The following NRG3 variants were observed in gnomAD, a reference collection of about 807,000 sequenced individuals.
NRG3 encodes the protein neuregulin 3.
Under a neutral mutation model 66.9 loss-of-function variants are expected in NRG3, and 31 were observed. The ratio of observed to expected loss-of-function variants is 0.46; its 90% CI spans 0.35 to 0.63. The LOEUF (loss-of-function observed/expected upper bound fraction) is 0.63. NRG3 is among the 20% of genes least tolerant of loss of function. The probability of loss-of-function intolerance (pLI) is 0.00; values close to 1 mark genes in which losing one functional copy is unlikely to be tolerated. For missense variants in NRG3, 910 were observed against 878.9 expected (o/e 1.04, Z -0.45); for synonymous variants, 393 against 359.4 (o/e 1.09, Z -1.06).
chr10:82,231,285 G>C (rs552974312), intron 1 of NRG3, among the ~76,000 whole-genome samples: 2 of 152,154 alleles, frequency 1.3e-5, no homozygotes, highest in East Asian at 1.9e-4. Context: ...TTCAAGTGAG[G>C]TTGCAGTGAG....
At chr10:81,961,435 G>A (rs892289298) in intron 1 of NRG3, among the ~76,000 whole-genome samples, 1 of 151,884 alleles carries the variant, frequency 6.6e-6, no homozygotes, top group Admixed American at 6.6e-5. Context: ...CCAAGACACC[G>A]TGACCAGGCT....
intron 4 of NRG3, among the ~76,000 whole-genome samples, chr10:82,882,201 A>G (rs1012671198): frequency 2.6e-5 from 4 of 151,972 alleles, no homozygotes; most frequent in Admixed American, 1.3e-4. Context: ...TAAGGCGCTT[A>G]TGTGTTCTAC....
At chr10:82,796,778 A>G (rs2060817623) in intron 3 of NRG3, among the ~76,000 whole-genome samples, 1 of 152,152 alleles carries the variant, frequency 6.6e-6, no homozygotes, top group Non-Finnish European at 1.5e-5. Flanking sequence ...AAAAGAGGAG[A>G]AAGATGAGGA....
intron 2 of NRG3, among the ~76,000 whole-genome samples, chr10:82,362,547 G>GTTTT (rs1564840163): frequency 2.8e-4 from 13 of 47,268 alleles, no homozygotes; most frequent in Non-Finnish European, 3.8e-4. Context: ...ATAATTTCTG[G>GTTTT]GTTTTTTTTT....
intron 1 of NRG3, among the ~76,000 whole-genome samples, chr10:81,968,774 C>G (rs1463237504): frequency 6.6e-6 from 1 of 152,134 alleles, no homozygotes; most frequent in Non-Finnish European, 1.5e-5. Flanking sequence ...AGAATAGAAT[C>G]TAAAGAGGGT....
At chr10:82,015,458 G>T (rs11192171) in intron 1 of NRG3, among the ~76,000 whole-genome samples, 1 of 152,080 alleles carries the variant, frequency 6.6e-6, no homozygotes, top group Non-Finnish European at 1.5e-5. Context: ...ATCCTGAATT[G>T]TAATCCCCAT....
At chr10:82,910,534 C>G (rs916058410) in intron 4 of NRG3, among the ~76,000 whole-genome samples, 1 of 152,214 alleles carries the variant, frequency 6.6e-6, no homozygotes, top group Non-Finnish European at 1.5e-5. Context: ...GCATGAATCA[C>G]CAGAGACATC....
chr10:82,614,924 A>G (rs770827443), intron 2 of NRG3, among the ~76,000 whole-genome samples: 4 of 152,054 alleles, frequency 2.6e-5, no homozygotes, highest in Non-Finnish European at 4.4e-5. Flanking sequence ...GGTGATATCA[A>G]TGCTTCTTAT....
intron 2 of NRG3, among the ~76,000 whole-genome samples, chr10:82,435,359 G>T (rs1373023887): frequency 6.6e-6 from 1 of 151,774 alleles, no homozygotes; most frequent in African/African-American, 2.4e-5. Flanking sequence ...AGTCTAGCTG[G>T]CAGTCCATCC....
intron 1 of NRG3, among the ~76,000 whole-genome samples, chr10:82,073,468 A>G (rs2064919454): frequency 6.6e-6 from 1 of 152,320 alleles, no homozygotes; most frequent in South Asian, 2.1e-4. Context: ...GACATTCTGT[A>G]TATAAAATAT....
At chr10:82,097,987 G>T (rs1240092639) in intron 1 of NRG3, among the ~76,000 whole-genome samples, 1 of 151,258 alleles carries the variant, frequency 6.6e-6, no homozygotes, top group Non-Finnish European at 1.5e-5. Flanking sequence ...TTATTGTTAA[G>T]TCTGAAACCG....
chr10:82,401,492 G>C (rs1188827207), intron 2 of NRG3, among the ~76,000 whole-genome samples: 1 of 152,014 alleles, frequency 6.6e-6, no homozygotes, highest in African/African-American at 2.4e-5. Context: ...AGGATCACAG[G>C]ACAGCTTGGT....
chr10:82,817,619 G>GC (rs907808201), intron 3 of NRG3, among the ~76,000 whole-genome samples: 4 of 152,150 alleles, frequency 2.6e-5, no homozygotes, highest in African/African-American at 9.7e-5. Context: ...GAAGGTGTAT[G>GC]CCCCAAAACA....
intron 1 of NRG3, among the ~76,000 whole-genome samples, chr10:82,042,053 G>A (rs1335904711): frequency 6.6e-6 from 1 of 152,022 alleles, no homozygotes; most frequent in Non-Finnish European, 1.5e-5. Context: ...TAGGTAGTTA[G>A]AGATATAAAG....
At chr10:82,758,677 G>A (rs1251912951) in intron 3 of NRG3, among the ~76,000 whole-genome samples, 5 of 151,952 alleles carry the variant, frequency 3.3e-5, no homozygotes, top group Admixed American at 2.0e-4. Flanking sequence ...TCAGTAGTCT[G>A]TAGCTCTCCA....
At chr10:81,970,994 G>T (rs988003038) in intron 1 of NRG3, among the ~76,000 whole-genome samples, 3 of 152,166 alleles carry the variant, frequency 2.0e-5, no homozygotes, top group African/African-American at 7.2e-5. Context: ...ACAAAAATTA[G>T]TTGGGCATGG....
intron 1 of NRG3, among the ~76,000 whole-genome samples, chr10:82,255,588 T>A (rs535376169): frequency 6.6e-5 from 10 of 152,188 alleles, no homozygotes; most frequent in African/African-American, 2.2e-4. Context: ...ATCTTTTTTT[T>A]TTAAAAAACA....
chr10:82,884,159 T>TG (rs541178891), intron 4 of NRG3, among the ~76,000 whole-genome samples: 18,912 of 151,864 alleles, frequency 0.12, 1,424 homozygotes, highest in Middle Eastern at 0.22. Flanking sequence ...AAATTTCCCT[T>TG]GGGGGGAAAA....
At chr10:82,538,804 G>A (rs1205061390) in intron 2 of NRG3, among the ~76,000 whole-genome samples, 1 of 152,052 alleles carries the variant, frequency 6.6e-6, no homozygotes, top group Non-Finnish European at 1.5e-5. Context: ...TTCTAAATAA[G>A]TTATGTTACT....
Sources: gnomAD v4.1 joint callset for allele counts (sites outside exome capture counted in the v4.1 genomes callset) on GRCh38, gnomAD v4.1.1 for gene constraint, MANE v1.5 for transcripts, NCBI Gene and HGNC (gene_info 2026-07-23, HGNC 2026-07-21) for gene names.